Variants in CDH8 observed in about 807,000 individuals in gnomAD.
CDH8 encodes cadherin-8.
Under a neutral mutation model 68.1 loss-of-function variants are expected in CDH8, and 17 were observed. That is an observed-to-expected ratio of 0.25 (90% CI 0.17 to 0.37). The LOEUF is 0.37. CDH8 is among the 10% of genes least tolerant of loss of function. The probability of loss-of-function intolerance (pLI) is 1.00; values close to 1 mark genes in which losing one functional copy is unlikely to be tolerated. For synonymous variants in CDH8, 372 were observed against 365.1 expected (o/e 1.02, Z -0.21); for missense variants, 763 against 999.3 (o/e 0.76, Z 3.19).
chr16:62,012,940 G>A (rs2150605499), intron 2 of CDH8, among the ~76,000 whole-genome samples: 1 of 152,256 alleles, frequency 6.6e-6, no homozygotes, highest in African/African-American at 2.4e-5. Context: ...GGTTATAGAC[G>A]TGATTTGCAT....
At chr16:62,027,717 C>T (rs1902227660) in intron 1 of CDH8, among the ~76,000 whole-genome samples, 1 of 152,132 alleles carries the variant, frequency 6.6e-6, no homozygotes, top group Non-Finnish European at 1.5e-5. Context: ...TCACCCAAGC[C>T]CTGGCTGAAT....
intron 10 of CDH8, among the ~76,000 whole-genome samples, chr16:61,668,465 A>G (rs962283157): frequency 3.9e-5 from 6 of 152,066 alleles, no homozygotes; most frequent in African/African-American, 1.4e-4. Flanking sequence ...ATGAAGACTA[A>G]TATTACTTTC....
At position 62,010,414 on chromosome 16, in the gene CDH8, G is replaced by A. The variant is rs891997005; in HGVS notation, c.252+10738C>T. Among the ~76,000 whole-genome samples, 8 of 152,106 alleles carry A rather than the reference G, an allele frequency of 5.3e-5. No individual in the cohort carries two copies. The East Asian group carries it at 1.5e-3, about 29-fold the overall frequency. ...CAGGAACAAAATCTGTGATCACCAC[G>A]CACAGGTTTGACTCTGGGCTTCATC... On this transcript the variant is annotated intron_variant, in intron 2 of 11. Transcript: ENST00000577390.
chr16:62,014,440 G>A (rs1901888646), intron 2 of CDH8, among the ~76,000 whole-genome samples: 1 of 152,124 alleles, frequency 6.6e-6, no homozygotes, highest in Admixed American at 6.5e-5. Context: ...CTCTGTCTGA[G>A]TAGGTAGAAG....
intron 2 of CDH8, among the ~76,000 whole-genome samples, chr16:61,947,555 T>C (rs2143568783): frequency 6.6e-6 from 1 of 152,282 alleles, no homozygotes; most frequent in East Asian, 1.9e-4. Context: ...GAAAGTAAAA[T>C]AGAGCAGAAT....
At chr16:61,771,544 T>C (rs976327739) in intron 8 of CDH8, among the ~76,000 whole-genome samples, 5 of 151,646 alleles carry the variant, frequency 3.3e-5, no homozygotes. Flanking sequence ...GCTTATTTGT[T>C]TTACTAAACA....
Position 61,865,128 on chromosome 16 carries a change from A to C in CDH8, c.548-7890T>G, listed in dbSNP as rs3784856. On this transcript the variant is annotated intron_variant, in intron 3 of 11. Coordinates refer to ENST00000577390, the MANE Select transcript of CDH8 (RefSeq NM_001796.5). ...TTGCTGCCAAATTCCACATGCTCCAAATTAAGTTTATTATGGGAATGGAGA... is the reference window on the plus strand; with the variant it reads ...TTGCTGCCAAATTCCACATGCTCCACATTAAGTTTATTATGGGAATGGAGA... Among the ~76,000 whole-genome samples the C allele has an allele frequency of 1.5e-3, 234 of 152,264 alleles. 6 individuals are homozygous for C. In the East Asian group the frequency reaches 0.022, roughly 14 times the overall value.
At chr16:61,945,385 C>A (rs1964785527) in intron 2 of CDH8, among the ~76,000 whole-genome samples, 1 of 150,426 alleles carries the variant, frequency 6.6e-6, no homozygotes, top group Admixed American at 6.6e-5. Context: ...ATACTCAAGC[C>A]TCAATCAGTC....
chr16:61,964,793 C>T (rs758746707), intron 2 of CDH8, among the ~76,000 whole-genome samples: 1 of 152,160 alleles, frequency 6.6e-6, no homozygotes, highest in Non-Finnish European at 1.5e-5. Context: ...CCACCTTTCT[C>T]CTTCCATCCT....
At chr16:61,845,502 TA>T (rs749345691) in intron 4 of CDH8, among the ~76,000 whole-genome samples, 237 of 117,692 alleles carry the variant, frequency 2.0e-3, no homozygotes, top group East Asian at 4.6e-3. Flanking sequence ...TCCAGATATG[TA>T]AAAAAAAAAA....
chr16:62,018,785 T>A (rs1020617430), intron 2 of CDH8, among the ~76,000 whole-genome samples: 1 of 152,162 alleles, frequency 6.6e-6, no homozygotes, highest in Non-Finnish European at 1.5e-5. Flanking sequence ...TCAAAAGCAT[T>A]TGGGCTATTT....
intron 2 of CDH8, among the ~76,000 whole-genome samples, chr16:61,920,208 C>A: frequency 7.2e-6 from 1 of 139,556 alleles, no homozygotes; most frequent in African/African-American, 2.8e-5. Context: ...GACTTCATGT[C>A]TAAAACACCA....
At chr16:61,877,834 A>G (rs773173133) in intron 3 of CDH8, among the ~76,000 whole-genome samples, 2 of 152,210 alleles carry the variant, frequency 1.3e-5, no homozygotes, top group African/African-American at 2.4e-5. Context: ...GATTCAAGAG[A>G]AATATTTTTG....
At chr16:61,844,793 T>C (rs1173498153) in intron 4 of CDH8, among the ~76,000 whole-genome samples, 1 of 152,184 alleles carries the variant, frequency 6.6e-6, no homozygotes, top group Non-Finnish European at 1.5e-5. Context: ...AAGTTACGTA[T>C]AGTGAGAAAA....
At chr16:61,872,637 A>T (rs1214090410) in intron 3 of CDH8, among the ~76,000 whole-genome samples, 1 of 152,194 alleles carries the variant, frequency 6.6e-6, no homozygotes, top group Non-Finnish European at 1.5e-5. Flanking sequence ...CTGTTCTAAC[A>T]GTAATTCCAA....
chr16:61,902,901 T>C (rs958350439), intron 2 of CDH8, among the ~76,000 whole-genome samples: 1 of 152,208 alleles, frequency 6.6e-6, no homozygotes, highest in Non-Finnish European at 1.5e-5. Flanking sequence ...TGAACAAATA[T>C]TGAAATGCCA....
chr16:61,972,318 T>G (rs1306222638), intron 2 of CDH8, among the ~76,000 whole-genome samples: 2 of 152,172 alleles, frequency 1.3e-5, no homozygotes, highest in African/African-American at 4.8e-5. Flanking sequence ...ATGTCTTTAT[T>G]AGCAGCATGA....
At chr16:61,926,152 G>GGTGT (rs61028306) in intron 2 of CDH8, among the ~76,000 whole-genome samples, 8,667 of 142,104 alleles carry the variant, frequency 0.061, 370 homozygotes, top group East Asian at 0.2. Context: ...ACTCAGAAGG[G>GGTGT]GTGTGTGTGT....
chr16:61,849,180 A>G (rs954356605), intron 4 of CDH8, among the ~76,000 whole-genome samples: 1 of 152,058 alleles, frequency 6.6e-6, no homozygotes, highest in Admixed American at 6.6e-5. Flanking sequence ...AAACAATAAT[A>G]GTATCATATG....
Sources: allele counts gnomAD v4.1 joint callset (sites outside exome capture counted in the v4.1 genomes callset), GRCh38; gene constraint gnomAD v4.1.1; transcripts MANE v1.5; gene names NCBI Gene and HGNC (gene_info 2026-07-23, HGNC 2026-07-21).